Variants in SLC1A2 observed in about 807,000 individuals in gnomAD.
SLC1A2 encodes excitatory amino acid transporter 2.
A neutral mutation model predicts 48.8 loss-of-function variants in SLC1A2; 15 were observed. The observed-to-expected ratio is 0.31, with a 90% CI of 0.21 to 0.47. The LOEUF is 0.47. Ranked by LOEUF, SLC1A2 falls within the 20% of genes least tolerant of loss-of-function variation. SLC1A2 has a pLI of 0.99. For synonymous variants in SLC1A2, 279 were observed against 272.6 expected (o/e 1.02, Z -0.23); for missense variants, 502 against 730.5 (o/e 0.69, Z 3.61).
At position 35,418,933 on chromosome 11, in the gene SLC1A2, G is replaced by A; in HGVS notation, c.17+17C>T. 1 of 1,559,866 alleles carries A rather than the reference G, an allele frequency of 6.4e-7. No homozygotes were observed. The highest frequency in any genetic ancestry group is 8.7e-7 in the Non-Finnish European group (1 of 1,150,492). On this transcript the variant is annotated intron_variant, in intron 1 of 10. Transcript: ENST00000278379. Reference sequence around the variant, plus strand: ...GTGACCCCGCTTTCCCGCGGGTACAGATAAAAATCCCCTCACCCTTCCGTA... The same window carrying A: ...GTGACCCCGCTTTCCCGCGGGTACAAATAAAAATCCCCTCACCCTTCCGTA...
At chr11:35,333,090 T>C (rs115882479) in intron 1 of SLC1A2, among the ~76,000 whole-genome samples, 3,448 of 152,206 alleles carry the variant, frequency 0.023, 115 homozygotes, top group African/African-American at 0.078. Flanking sequence ...CAGGTCTCTT[T>C]CGCAGCTACT....
intron 1 of SLC1A2, chr11:35,399,588 T>C: frequency 1.0e-6 from 1 of 984,224 alleles, no homozygotes; most frequent in Non-Finnish European, 1.2e-6. Context: ...GTAATCATGA[T>C]GCCTGCAGAT....
intron 1 of SLC1A2, among the ~76,000 whole-genome samples, chr11:35,411,627 T>A (rs1855463931): frequency 1.3e-5 from 2 of 152,184 alleles, no homozygotes; most frequent in Non-Finnish European, 2.9e-5. Flanking sequence ...AGCCCAACTG[T>A]CCTTTTAAGT....
At chr11:35,324,968 T>A (rs1437656236) in intron 1 of SLC1A2, among the ~76,000 whole-genome samples, 1 of 152,194 alleles carries the variant, frequency 6.6e-6, no homozygotes, top group South Asian at 2.1e-4. Context: ...ATAAAGATTA[T>A]GCCATGGCCC....
At chr11:35,340,766 C>T (rs1438315891) in intron 1 of SLC1A2, among the ~76,000 whole-genome samples, 1 of 152,146 alleles carries the variant, frequency 6.6e-6, no homozygotes, top group Non-Finnish European at 1.5e-5. Context: ...TTGAAAGAGA[C>T]AACAGAAAAC....
At chr11:35,321,315 G>A (rs1852059873) in intron 1 of SLC1A2, among the ~76,000 whole-genome samples, 1 of 152,168 alleles carries the variant, frequency 6.6e-6, no homozygotes, top group African/African-American at 2.4e-5. Context: ...AAGGGTGGAG[G>A]AGAAGGATAG....
chr11:35,298,873 C>T (rs547131593), intron 6 of SLC1A2: 1 of 152,260 alleles, frequency 6.6e-6, no homozygotes, highest in East Asian at 1.9e-4. Flanking sequence ...CATACATTGC[C>T]CATGTTATTG....
chr11:35,325,807 ACAAAAAATTAGCTGGGTATGGTGG>A (rs1379466904), intron 1 of SLC1A2, among the ~76,000 whole-genome samples: 1 of 152,028 alleles, frequency 6.6e-6, no homozygotes. Context: ...TACTAAAAAT[ACAAAAAATTAGCTGGGTATGGTGG>A]CAGGCACCTG....
At chr11:35,314,901 G>T in intron 3 of SLC1A2, 122 bp downstream of exon 3, 2 of 635,588 alleles carry the variant, frequency 3.1e-6, no homozygotes, top group Non-Finnish European at 2.7e-6. Flanking sequence ...GAAAACCAAA[G>T]CTCTGAAATG....
intron 1 of SLC1A2, among the ~76,000 whole-genome samples, chr11:35,318,682 C>T: frequency 6.6e-6 from 1 of 152,186 alleles, no homozygotes; most frequent in East Asian, 1.9e-4. Flanking sequence ...CTCTTGCTAG[C>T]TGTGTGGGGT....
At chr11:35,323,356 A>G (rs1852139607) in intron 1 of SLC1A2, 1 of 155,542 alleles carries the variant, frequency 6.4e-6, no homozygotes, top group African/African-American at 2.4e-5. Flanking sequence ...AATGGATATA[A>G]TGTTACCTTC....
At chr11:35,401,024 G>A (rs1401740611) in intron 1 of SLC1A2, among the ~76,000 whole-genome samples, 1 of 152,224 alleles carries the variant, frequency 6.6e-6, no homozygotes, top group African/African-American at 2.4e-5. Flanking sequence ...GCTTCTATGT[G>A]ATAGGTAGGT....
At chr11:35,375,970 C>T (rs973677672) in intron 1 of SLC1A2, among the ~76,000 whole-genome samples, 3 of 152,164 alleles carry the variant, frequency 2.0e-5, no homozygotes, top group East Asian at 3.8e-4. Flanking sequence ...GAGCCAGAAG[C>T]GGAATCCAGG....
chr11:35,346,113 T>C (rs1044637754), intron 1 of SLC1A2, among the ~76,000 whole-genome samples: 10 of 152,160 alleles, frequency 6.6e-5, no homozygotes, highest in Admixed American at 6.5e-4. Context: ...AACGTGTAGG[T>C]CTGTTACATA....
chr11:35,387,612 T>A lies in SLC1A2; in HGVS notation c.17+31338A>T, dbSNP rs180804975. Among the ~76,000 whole-genome samples the A allele has an allele frequency of 1.2e-3, 185 of 152,342 alleles. 1 individual carries two copies. Among genetic ancestry groups the A allele is most frequent in the African/African-American group, 4.3e-3 (177 of 41,576 alleles). On this transcript the variant is annotated intron_variant, in intron 1 of 10. Transcript: ENST00000278379. Reference sequence around the variant, plus strand: ...GGCCTATTTGTTTTTTGTTCTTTTTTAAAATAATGTCTGGGCCATTTTTTT... The same window carrying A: ...GGCCTATTTGTTTTTTGTTCTTTTTAAAAATAATGTCTGGGCCATTTTTTT...
At chr11:35,393,888 T>C (rs1263671397) in intron 1 of SLC1A2, among the ~76,000 whole-genome samples, 1 of 152,198 alleles carries the variant, frequency 6.6e-6, no homozygotes, top group Non-Finnish European at 1.5e-5. Flanking sequence ...TGGGCTTCTT[T>C]CACCCTTTTC....
At chr11:35,296,838 C>A (rs577224741) in intron 6 of SLC1A2, among the ~76,000 whole-genome samples, 2 of 152,210 alleles carry the variant, frequency 1.3e-5, no homozygotes, top group South Asian at 2.1e-4. Flanking sequence ...CGCTATTGCA[C>A]GGCACTTATT....
intron 1 of SLC1A2, among the ~76,000 whole-genome samples, chr11:35,393,553 C>G (rs2135247857): frequency 6.6e-6 from 1 of 152,320 alleles, no homozygotes. Context: ...CTTCTTTCCA[C>G]TGCCTATTGT....
At chr11:35,385,710 A>G (rs955251417) in intron 1 of SLC1A2, among the ~76,000 whole-genome samples, 1 of 152,164 alleles carries the variant, frequency 6.6e-6, no homozygotes, top group Non-Finnish European at 1.5e-5. Flanking sequence ...GATTCTCCTT[A>G]GCATCTTCTA....
Sources: gnomAD v4.1 joint callset for allele counts (sites outside exome capture counted in the v4.1 genomes callset) on GRCh38, gnomAD v4.1.1 for gene constraint, MANE v1.5 for transcripts, NCBI Gene and HGNC (gene_info 2026-07-23, HGNC 2026-07-21) for gene names.